The following SLC28A3 variants were observed in gnomAD, a reference collection of about 807,000 sequenced individuals.
SLC28A3 encodes the protein concentrative Na(+)-nucleoside cotransporter 3.
SLC28A3 carries 68 observed loss-of-function variants against 84.2 expected under a neutral mutation model. That is an observed-to-expected ratio of 0.81 (90% confidence interval 0.66 to 0.99). SLC28A3 has a LOEUF of 0.99. Among genes scored for constraint, SLC28A3 ranks in the 50% least tolerant of loss-of-function variants. The pLI, the probability that SLC28A3 is intolerant of heterozygous loss-of-function variation, is 0.00. For missense variants in SLC28A3, 712 were observed against 841.5 expected, an observed-to-expected ratio of 0.85 and a Z score of 1.90; for synonymous variants, 267 against 303.6, an observed-to-expected ratio of 0.88 and a Z score of 1.25.
the SLC28A3 span, among the ~76,000 whole-genome samples, chr9:84,352,691 T>C: frequency 6.6e-6 from 1 of 151,048 alleles, no homozygotes. Context: ...TTGAGACCAG[T>C]CTGGCCAACA....
intron 4 of SLC28A3, among the ~76,000 whole-genome samples, chr9:84,303,958 C>G (rs1825711524): frequency 6.6e-6 from 1 of 152,072 alleles, no homozygotes; most frequent in South Asian, 2.1e-4. Context: ...CTTATTCTTC[C>G]CTCCCTCAAA....
intron 1 of SLC28A3, among the ~76,000 whole-genome samples, chr9:84,324,447 C>G (rs2118530964): frequency 1.3e-5 from 2 of 152,168 alleles, no homozygotes; most frequent in East Asian, 3.9e-4. Context: ...AGTTCAAGAC[C>G]AGCCTGGGTA....
the SLC28A3 span, among the ~76,000 whole-genome samples, chr9:84,347,284 T>C: frequency 6.7e-6 from 1 of 150,036 alleles, no homozygotes; most frequent in Non-Finnish European, 1.5e-5. Flanking sequence ...ACCTTTAAGA[T>C]ACTTATGTTG....
At chr9:84,285,313 A>T in intron 14 of SLC28A3, 32 bp downstream of exon 14, 1 of 1,600,212 alleles carries the variant, frequency 6.2e-7, no homozygotes, top group Non-Finnish European at 8.5e-7. Context: ...TGTGATGAAG[A>T]AATGTACTGA....
chr9:84,356,445 A>G, the SLC28A3 span, among the ~76,000 whole-genome samples: 1 of 152,204 alleles, frequency 6.6e-6, no homozygotes. Flanking sequence ...CAGTGTGACT[A>G]TCTGCTAAAT....
At chr9:84,320,337 G>A (rs1246159244) in intron 1 of SLC28A3, among the ~76,000 whole-genome samples, 1 of 151,952 alleles carries the variant, frequency 6.6e-6, no homozygotes, top group Non-Finnish European at 1.5e-5. Context: ...TTACAAGCGT[G>A]AGCCACTGTG....
At chr9:84,314,417 T>A (rs1826097255) in intron 1 of SLC28A3, among the ~76,000 whole-genome samples, 1 of 152,134 alleles carries the variant, frequency 6.6e-6, no homozygotes, top group Non-Finnish European at 1.5e-5. Context: ...AGGTAATGGA[T>A]AAATGGTGTC....
At position 84,294,289 on chromosome 9, in the gene SLC28A3, A is replaced by G; in HGVS notation, c.862-14T>C. 1 of 1,613,874 alleles carries G rather than the reference A, an allele frequency of 6.2e-7. No individual in the cohort carries two copies. Among genetic ancestry groups the G allele is most frequent in the Non-Finnish European group, 8.5e-7 (1 of 1,179,786 alleles). On this transcript the variant is annotated splice_polypyrimidine_tract_variant and intron_variant, in intron 8 of 17. Coordinates refer to ENST00000376238, the MANE Select transcript of SLC28A3 (RefSeq NM_001199633.2). ...GATCGGCAGGACCTGTGGGGACAGA[A>G]ACAAACATGGATTAATGATGGGTCC...
rs1161501587 is a variant in SLC28A3 at position 84,278,350 on chromosome 9, G to A, written c.1950-6C>T. On this transcript the variant is annotated splice_polypyrimidine_tract_variant and splice_region_variant and intron_variant, in intron 17 of 17. Transcript: ENST00000376238. ...CAGGACCCTTGGCAACAGTGCTGGT[G>A]GAAAGTGGAAAGAAACAGTTACATG... The A allele has an allele frequency of 1.9e-6, 3 of 1,613,612 alleles. No individual in the cohort carries two copies. Among genetic ancestry groups the A allele is most frequent in the Non-Finnish European group, 8.5e-7 (1 of 1,179,882 alleles).
chr9:84,307,048 T>G (rs1588592741), intron 3 of SLC28A3, among the ~76,000 whole-genome samples: 1 of 126,522 alleles, frequency 7.9e-6, no homozygotes, highest in South Asian at 2.6e-4. Flanking sequence ...AAACCTGTGG[T>G]CCCAGCTGCA....
chr9:84,315,888 C>A (rs373299015), intron 1 of SLC28A3, among the ~76,000 whole-genome samples: 1 of 152,160 alleles, frequency 6.6e-6, no homozygotes, highest in Non-Finnish European at 1.5e-5. Flanking sequence ...GCACACTTAA[C>A]GCCCTACAAC....
In SLC28A3 at chr9:84,309,647, T is replaced by C; in HGVS notation, c.224A>G (p.Glu75Gly). Residue 75 changes from glutamate (E) to glycine (G), a missense_variant, in exon 3 of 18, where the codon GAG becomes GGG. Physicochemically the swap from Glu to Gly is moderately conservative, Grantham distance 98. Coordinates refer to ENST00000376238, the MANE Select transcript of SLC28A3 (RefSeq NM_001199633.2). ...ACTGTACCCTTTTTGTTGCATCTCC[T>C]CATCATCATCCTCCATGTGTTCTCT... Reference protein sequence around the residue: ...RNREHMEDDDEEMQQKGCLER... With the variant: ...RNREHMEDDDGEMQQKGCLER... 6.2e-7 allele frequency: 1 copy of C among 1,606,430 alleles called. No individual in the cohort carries two copies. The highest frequency in any genetic ancestry group is 8.5e-7 in the Non-Finnish European group (1 of 1,175,398).
chr9:84,309,852 T>A (rs747281058), intron 2 of SLC28A3, 138 bp from the exon 3 acceptor site: 7 of 671,670 alleles, frequency 1.0e-5, no homozygotes, highest in African/African-American at 1.8e-5. Flanking sequence ...TGGCTCCTAT[T>A]ATCTACTGCA....
the SLC28A3 span, among the ~76,000 whole-genome samples, chr9:84,354,585 C>T: frequency 5.9e-5 from 9 of 152,364 alleles, no homozygotes; most frequent in East Asian, 1.9e-4. Context: ...CAGTGGCTCA[C>T]GCCAGTAATC....
At chr9:84,325,181 A>T (rs1826511085) in intron 1 of SLC28A3, among the ~76,000 whole-genome samples, 1 of 152,012 alleles carries the variant, frequency 6.6e-6, no homozygotes, top group Non-Finnish European at 1.5e-5. Flanking sequence ...CTCCCAGCTC[A>T]TGCCTCTCCT....
chr9:84,294,183 C>T lies in SLC28A3; in HGVS notation c.942+12G>A. On this transcript the variant is annotated intron_variant, in intron 9 of 17. Transcript: ENST00000376238. ...TCTACACCTATAACCCAGTCCCTCC[C>T]AGCCCCAGTACCTTTCTAATAATCC... The T allele has an allele frequency of 6.2e-7, 1 of 1,613,592 alleles. No homozygotes were observed. The highest frequency in any genetic ancestry group is 8.5e-7 in the Non-Finnish European group (1 of 1,179,620).
Position 84,340,657 on chromosome 9 carries a change from C to G in SLC28A3, c.-24G>C, listed in dbSNP as rs779791644. 2.5e-6 allele frequency: 4 copies of G among 1,613,978 alleles called. No individual in the cohort carries two copies. Among genetic ancestry groups the G allele is most frequent in the Non-Finnish European group, 3.4e-6 (4 of 1,180,008 alleles). On this transcript the variant is annotated 5_prime_UTR_variant, in exon 1 of 18. Transcript: ENST00000376238. Reference sequence around the variant, plus strand: ...ATGCTCTTTTTGCTGCTGGCTGGCTCTGGTCTGGAGGTCCTTTGTACCTGG... The same window carrying G: ...ATGCTCTTTTTGCTGCTGGCTGGCTGTGGTCTGGAGGTCCTTTGTACCTGG...
intron 9 of SLC28A3, among the ~76,000 whole-genome samples, chr9:84,293,535 CCAAG>C (rs1825312549): frequency 6.6e-6 from 1 of 152,154 alleles, no homozygotes; most frequent in African/African-American, 2.4e-5. Flanking sequence ...GGGCTGTGCC[CCAAG>C]CACTGCCTGC....
At chr9:84,316,009 C>T (rs1289296806) in intron 1 of SLC28A3, among the ~76,000 whole-genome samples, 1 of 152,140 alleles carries the variant, frequency 6.6e-6, no homozygotes, top group African/African-American at 2.4e-5. Flanking sequence ...CATTTAATTT[C>T]TCTAGTTAGT....
Sources: allele counts gnomAD v4.1 joint callset (sites outside exome capture counted in the v4.1 genomes callset), GRCh38; gene constraint gnomAD v4.1.1; transcripts MANE v1.5; gene names NCBI Gene and HGNC (gene_info 2026-07-23, HGNC 2026-07-21).